ARHGAP10: variants seen among roughly 807,000 people sequenced by gnomAD.
The protein encoded by ARHGAP10 is Rho GTPase activating protein 10.
ARHGAP10 carries 87 observed loss-of-function variants against 108.6 expected under a neutral mutation model. That is an observed-to-expected ratio of 0.80 (90% CI 0.67 to 0.96). The LOEUF (loss-of-function observed/expected upper bound fraction) is 0.96, where lower values mean the gene tolerates loss of function less well. Ranked by LOEUF, ARHGAP10 falls within the 40% of genes least tolerant of loss-of-function variation. The pLI is 0.00. For missense variants in ARHGAP10, 939 were observed against 954.5 expected, an observed-to-expected ratio of 0.98 and a Z score of 0.21; for synonymous variants, 347 against 341.1, an observed-to-expected ratio of 1.02 and a Z score of -0.19.
chr4:147,748,341 C>T (rs1017438025), intron 1 of ARHGAP10, among the ~76,000 whole-genome samples: 3 of 151,954 alleles, frequency 2.0e-5, no homozygotes, highest in African/African-American at 4.8e-5. Flanking sequence ...AGTGATTGCT[C>T]GGACAGAATG....
intron 18 of ARHGAP10, among the ~76,000 whole-genome samples, chr4:148,008,441 G>A (rs1489534684): frequency 1.3e-5 from 2 of 151,638 alleles, no homozygotes; most frequent in African/African-American, 2.4e-5. Context: ...ACATTTGGTA[G>A]TGTCTAGAGA....
intron 13 of ARHGAP10, among the ~76,000 whole-genome samples, chr4:147,919,306 GA>G (rs1560826387): frequency 6.6e-6 from 1 of 152,244 alleles, no homozygotes; most frequent in Non-Finnish European, 1.5e-5. Context: ...TTTGAGATAA[GA>G]AAAAACTCCA....
rs13117046 is a variant in ARHGAP10, at chr4:147,739,284, G to A, written c.154+6829G>A. Among the ~76,000 whole-genome samples the A allele has an allele frequency of 3.9e-3, 598 of 151,928 alleles. 3 individuals are homozygous for A. The highest frequency in any genetic ancestry group is 0.031 in the Middle Eastern group (9 of 290). ...CTAGAATTTATTTTTGATTCACAAAGATTTGAAGATAAAGTAGAATGTGTT... is the reference window on the plus strand; with the variant it reads ...CTAGAATTTATTTTTGATTCACAAAAATTTGAAGATAAAGTAGAATGTGTT... On this transcript the variant is annotated intron_variant, in intron 1 of 22. Coordinates refer to ENST00000336498, the MANE Select transcript of ARHGAP10 (RefSeq NM_024605.4).
At chr4:147,918,640 C>A (rs1737095048) in intron 13 of ARHGAP10, among the ~76,000 whole-genome samples, 1 of 152,170 alleles carries the variant, frequency 6.6e-6, no homozygotes, top group Non-Finnish European at 1.5e-5. Flanking sequence ...CCTTCATCTC[C>A]CTAGCTGTCC....
intron 5 of ARHGAP10, chr4:147,864,599 T>C (rs746653444): frequency 1.9e-5 from 7 of 359,942 alleles, no homozygotes; most frequent in Non-Finnish European, 3.0e-5. Context: ...AAGAAACTGA[T>C]AGTAAATATT....
intron 22 of ARHGAP10, among the ~76,000 whole-genome samples, chr4:148,069,469 C>T (rs1021627130): frequency 6.6e-6 from 1 of 152,248 alleles, no homozygotes; most frequent in African/African-American, 2.4e-5. Flanking sequence ...GCAGGATTCC[C>T]GGCCTGGCCT....
At position 147,733,760 on chromosome 4, in the gene ARHGAP10, C is replaced by A. The variant is rs143340981; in HGVS notation, c.154+1305C>A. Reference sequence around the variant, plus strand: ...TTTCTGTGGGAAGAATTTAGTGAGCCATCCCTGTAATTTTGGAGGCAAGTC... The same window carrying A: ...TTTCTGTGGGAAGAATTTAGTGAGCAATCCCTGTAATTTTGGAGGCAAGTC... On this transcript the variant is annotated intron_variant, in intron 1 of 22. Transcript: ENST00000336498. Among the ~76,000 whole-genome samples, 785 of 152,262 alleles carry A rather than the reference C, an allele frequency of 5.2e-3. 7 individuals are homozygous for A. The highest frequency in any genetic ancestry group is 0.018 in the African/African-American group (747 of 41,542).
At chr4:147,771,692 T>C (rs1451503773) in intron 1 of ARHGAP10, among the ~76,000 whole-genome samples, 2 of 152,238 alleles carry the variant, frequency 1.3e-5, no homozygotes, top group Non-Finnish European at 2.9e-5. Flanking sequence ...TCTATCCAAG[T>C]ATAAACAGTA....
At chr4:147,874,351 G>C (rs569138106) in intron 7 of ARHGAP10, among the ~76,000 whole-genome samples, 1 of 152,140 alleles carries the variant, frequency 6.6e-6, no homozygotes, top group Non-Finnish European at 1.5e-5. Flanking sequence ...TTGTATATAT[G>C]TTTTCGGTGT....
intron 1 of ARHGAP10, among the ~76,000 whole-genome samples, chr4:147,799,929 G>A (rs1300168016): frequency 2.6e-5 from 4 of 152,082 alleles, no homozygotes; most frequent in Non-Finnish European, 5.9e-5. Flanking sequence ...TGCGGGCAGT[G>A]GGAATGTTCT....
chr4:147,864,577 G>A lies in ARHGAP10; in HGVS notation c.487-269G>A, dbSNP rs112447408. 1,812 of 311,766 alleles carry A rather than the reference G, an allele frequency of 5.8e-3. 33 individuals are homozygous for A. The highest frequency in any genetic ancestry group is 0.032 in the African/African-American group (1,438 of 45,452). The allele number at this position is 311,766 out of a possible 1,614,324, so 19.3% of individuals were successfully genotyped here. On this transcript the variant is annotated intron_variant, in intron 5 of 22. Coordinates refer to ENST00000336498, the MANE Select transcript of ARHGAP10 (RefSeq NM_024605.4). ...TCAACAAACAGAGTAGGAGTCACAA[G>A]CTTTTTCTGCAAAGAAACTGATAGT... is the stretch of plus-strand genomic sequence containing the variant.
intron 1 of ARHGAP10, among the ~76,000 whole-genome samples, chr4:147,787,048 A>G (rs1347088199): frequency 6.6e-6 from 1 of 152,120 alleles, no homozygotes; most frequent in Non-Finnish European, 1.5e-5. Flanking sequence ...TTGTGAAGGG[A>G]CCTGGAGTGC....
intron 7 of ARHGAP10, among the ~76,000 whole-genome samples, chr4:147,867,336 CAGTACACT>C (rs1443505779): frequency 1.3e-5 from 2 of 152,160 alleles, no homozygotes; most frequent in East Asian, 3.9e-4. Flanking sequence ...TGTTATTAAG[CAGTACACT>C]ATATGTCATT....
At position 148,071,949 on chromosome 4, in the gene ARHGAP10, A is replaced by T. The variant is rs369963730; in HGVS notation, c.2273-44A>T. ...TTAAGTGAACACCCAGGAGGCAAGT[A>T]CTTGGGGGCATTTTGTAAAAGTGAT... is the stretch of plus-strand genomic sequence containing the variant. On this transcript the variant is annotated intron_variant, in intron 22 of 22. Coordinates refer to ENST00000336498, the MANE Select transcript of ARHGAP10 (RefSeq NM_024605.4). The T allele has an allele frequency of 6.4e-6, 10 of 1,561,468 alleles. No individual in the cohort carries two copies. In the African/African-American group the frequency reaches 1.4e-4, roughly 21 times the overall value.
At position 147,946,718 on chromosome 4, in the gene ARHGAP10, A is replaced by C; in HGVS notation, c.1391+14A>C. The C allele has an allele frequency of 6.4e-7, 1 of 1,570,626 alleles. No homozygotes were observed. The highest frequency in any genetic ancestry group is 1.2e-5 in the South Asian group (1 of 83,328). On this transcript the variant is annotated intron_variant, in intron 15 of 22. Transcript: ENST00000336498. Reference sequence around the variant, plus strand: ...ACAGTATTTGAGGTAAGCTCCTCTCAGTAGCAAGAAAGAAGAATGGACTAT... The same window carrying C: ...ACAGTATTTGAGGTAAGCTCCTCTCCGTAGCAAGAAAGAAGAATGGACTAT...
chr4:147,846,579 A>T (rs1733643230), intron 3 of ARHGAP10, among the ~76,000 whole-genome samples: 1 of 152,188 alleles, frequency 6.6e-6, no homozygotes, highest in Admixed American at 6.5e-5. Flanking sequence ...GGCTTCTCTC[A>T]TGTGAGCTTC....
chr4:148,060,675 G>C lies in ARHGAP10; in HGVS notation c.2028-2473G>C, dbSNP rs145484621. Among the ~76,000 whole-genome samples, 4 of 152,244 alleles carry C rather than the reference G, an allele frequency of 2.6e-5. No homozygotes were observed. In the East Asian group the frequency reaches 7.7e-4, roughly 29 times the overall value. ...AGCCTTGCACGTTGCCCCGTCTTGT[G>C]AATATTCCAGCTTACAGTGTGTCTG... is the stretch of plus-strand genomic sequence containing the variant. On this transcript the variant is annotated intron_variant, in intron 20 of 22. Transcript: ENST00000336498.
At chr4:147,938,666 A>G (rs551298862) in intron 13 of ARHGAP10, among the ~76,000 whole-genome samples, 1 of 152,328 alleles carries the variant, frequency 6.6e-6, no homozygotes, top group South Asian at 2.1e-4. Flanking sequence ...CACTCCGAGC[A>G]GGGAGGTGAA....
At chr4:147,948,378 A>G (rs1738468801) in intron 15 of ARHGAP10, among the ~76,000 whole-genome samples, 1 of 152,108 alleles carries the variant, frequency 6.6e-6, no homozygotes, top group African/African-American at 2.4e-5. Flanking sequence ...TCCATGTTCA[A>G]TTTTTACCAA....
Sources: allele counts gnomAD v4.1 joint callset (sites outside exome capture counted in the v4.1 genomes callset), GRCh38; gene constraint gnomAD v4.1.1; transcripts MANE v1.5; gene names NCBI Gene and HGNC (gene_info 2026-07-23, HGNC 2026-07-21).